PCDH11X: variants seen among roughly 807,000 people sequenced by gnomAD.
The protein encoded by PCDH11X is protocadherin 11 X-linked.
In PCDH11X, 18 loss-of-function variants were observed where a neutral mutation model predicts 53.3. The ratio of observed to expected loss-of-function variants is 0.34; its 90% CI spans 0.23 to 0.50. PCDH11X has a LOEUF of 0.50. Ranked by LOEUF, PCDH11X falls within the 20% of genes least tolerant of loss-of-function variation. The pLI is 0.98. For synonymous variants in PCDH11X, 279 were observed against 393.3 expected (o/e 0.71, Z 3.44); for missense variants, 570 against 1,032.4 (o/e 0.55, Z 6.14).
At chrX:91,815,512 C>T (rs1014397117) in intron 4 of PCDH11X, among the ~76,000 whole-genome samples, 6 of 110,819 alleles carry the variant, frequency 5.4e-5, no homozygotes, top group East Asian at 2.8e-4. Flanking sequence ...AAAATCAAAC[C>T]GAAAGTATAT....
intron 7 of PCDH11X, among the ~76,000 whole-genome samples, chrX:92,236,225 C>G (rs2067170015): frequency 9.0e-6 from 1 of 110,738 alleles, no homozygotes; most frequent in South Asian, 3.8e-4. Flanking sequence ...CATCTGAAAA[C>G]CATTCCAGAT....
At chrX:92,190,537 G>A (rs1167073864) in intron 6 of PCDH11X, among the ~76,000 whole-genome samples, 1 of 111,622 alleles carries the variant, frequency 9.0e-6, no homozygotes, top group Non-Finnish European at 1.9e-5. Flanking sequence ...TAATATAATC[G>A]TAATGCATAT....
intron 6 of PCDH11X, among the ~76,000 whole-genome samples, chrX:91,898,322 CAG>C (rs765866482): frequency 1.8e-5 from 2 of 108,511 alleles, no homozygotes; most frequent in East Asian, 5.9e-4. Flanking sequence ...AAAGCTATCT[CAG>C]ATCAACAGTC....
chrX:92,100,549 G>C (rs111418720), intron 6 of PCDH11X, among the ~76,000 whole-genome samples: 2 of 109,891 alleles, frequency 1.8e-5, no homozygotes, highest in Non-Finnish European at 3.8e-5. Flanking sequence ...TTACACTTCT[G>C]TTGTGGTGGA....
At chrX:92,487,429 C>G (rs763099879) in intron 10 of PCDH11X, among the ~76,000 whole-genome samples, 1 of 111,107 alleles carries the variant, frequency 9.0e-6, no homozygotes, top group Admixed American at 9.7e-5. Context: ...ACTTTACAAA[C>G]TTAATACTGT....
intron 4 of PCDH11X, among the ~76,000 whole-genome samples, chrX:91,821,138 A>G (rs1432134276): frequency 9.4e-6 from 1 of 106,637 alleles, no homozygotes; most frequent in Non-Finnish European, 1.9e-5. Context: ...TTGGCTTAGG[A>G]TTGACTTGGC....
chrX:92,115,769 C>G (rs971129482), intron 6 of PCDH11X, among the ~76,000 whole-genome samples: 1 of 109,835 alleles, frequency 9.1e-6, no homozygotes, highest in Non-Finnish European at 1.9e-5. Context: ...CTTATCCCAC[C>G]TTCTTCTGAC....
chrX:92,404,446 A>G (rs1204469339), intron 9 of PCDH11X, among the ~76,000 whole-genome samples: 4 of 111,185 alleles, frequency 3.6e-5, no homozygotes, highest in Non-Finnish European at 7.5e-5. Flanking sequence ...CAAATAATCT[A>G]TGTAGGGAAG....
At chrX:92,456,826 A>G (rs773077542) in intron 9 of PCDH11X, among the ~76,000 whole-genome samples, 1 of 109,388 alleles carries the variant, frequency 9.1e-6, no homozygotes, top group African/African-American at 3.3e-5. Context: ...CTGACATAAA[A>G]TATTTATCAA....
intron 6 of PCDH11X, among the ~76,000 whole-genome samples, chrX:92,154,045 A>G (rs1313502702): frequency 9.1e-6 from 1 of 110,481 alleles, no homozygotes; most frequent in Non-Finnish European, 1.9e-5. Context: ...TAGCACAAAA[A>G]TAGGTTGAGA....
At chrX:92,532,617 G>T (rs768307269) in intron 10 of PCDH11X, among the ~76,000 whole-genome samples, 1 of 105,555 alleles carries the variant, frequency 9.5e-6, no homozygotes, top group East Asian at 3.1e-4. Context: ...ATAAGTTGGG[G>T]AGTAATATAT....
At chrX:92,180,149 G>A (rs974923353) in intron 6 of PCDH11X, among the ~76,000 whole-genome samples, 1 of 111,669 alleles carries the variant, frequency 9.0e-6, no homozygotes, top group African/African-American at 3.3e-5. Flanking sequence ...AAGCAAGCAC[G>A]TTTTACCATG....
intron 6 of PCDH11X, among the ~76,000 whole-genome samples, chrX:92,129,044 A>G (rs899255136): frequency 1.9e-4 from 21 of 110,947 alleles, no homozygotes; most frequent in Non-Finnish European, 3.2e-4. Flanking sequence ...AATGAATACC[A>G]TAAATAGTGT....
intron 8 of PCDH11X, among the ~76,000 whole-genome samples, chrX:92,386,454 T>C (rs1169669357): frequency 9.2e-6 from 1 of 109,287 alleles, no homozygotes; most frequent in African/African-American, 3.3e-5. Context: ...TATTGTTACA[T>C]AGCAAACCAT....
chrX:92,047,698 T>A (rs1201492776), intron 6 of PCDH11X, among the ~76,000 whole-genome samples: 2 of 109,611 alleles, frequency 1.8e-5, no homozygotes, highest in Admixed American at 9.9e-5. Context: ...TTCCCCATCT[T>A]CTCATCTTTC....
chrX:92,170,381 G>C (rs2065803244), intron 6 of PCDH11X, among the ~76,000 whole-genome samples: 2 of 110,944 alleles, frequency 1.8e-5, no homozygotes, highest in Non-Finnish European at 3.8e-5. Context: ...TAGCTCTGTT[G>C]TTGAAGAACA....
chrX:92,196,271 T>C (rs1217837891), intron 6 of PCDH11X, among the ~76,000 whole-genome samples: 2 of 112,216 alleles, frequency 1.8e-5, no homozygotes, highest in Non-Finnish European at 3.8e-5. Flanking sequence ...AGTAGCCAAT[T>C]TATTTTATAC....
chrX:91,816,470 T>C (rs1282067438), intron 4 of PCDH11X, among the ~76,000 whole-genome samples: 1 of 111,535 alleles, frequency 9.0e-6, no homozygotes, highest in African/African-American at 3.3e-5. Context: ...AACTTTTTTC[T>C]CTACGTTTTT....
At chrX:91,814,539 A>G (rs1236909269) in intron 4 of PCDH11X, among the ~76,000 whole-genome samples, 1 of 99,372 alleles carries the variant, frequency 1.0e-5, no homozygotes, top group Non-Finnish European at 2.0e-5. Context: ...TTTAAACCTT[A>G]TAAACATAAT....
Sources: allele counts gnomAD v4.1 joint callset (sites outside exome capture counted in the v4.1 genomes callset), GRCh38; gene constraint gnomAD v4.1.1; transcripts MANE v1.5; gene names NCBI Gene and HGNC (gene_info 2026-07-23, HGNC 2026-07-21).